Variants in CACNA2D2 observed in about 807,000 individuals in gnomAD.
The protein encoded by CACNA2D2 is calcium voltage-gated channel auxiliary subunit alpha2delta 2.
CACNA2D2 carries 48 observed loss-of-function variants against 166.4 expected under a neutral mutation model. The ratio of observed to expected loss-of-function variants is 0.29; its 90% CI spans 0.23 to 0.37. The LOEUF is 0.37. CACNA2D2 is among the 10% of genes least tolerant of loss of function. The pLI is 1.00. For synonymous variants in CACNA2D2, 561 were observed against 573.7 expected (o/e 0.98, Z 0.32); for missense variants, 1,122 against 1,433.0 (o/e 0.78, Z 3.50).
chr3:50,463,286 G>A (rs1187032577), intron 2 of CACNA2D2, among the ~76,000 whole-genome samples: 1 of 151,926 alleles, frequency 6.6e-6, no homozygotes, highest in Non-Finnish European at 1.5e-5. Flanking sequence ...AGGTGGTAAG[G>A]AAGAAGCTCC....
At position 50,417,324 on chromosome 3, in the gene CACNA2D2, C is replaced by T. The variant is rs111819380; in HGVS notation, c.405+16989G>A. Among the ~76,000 whole-genome samples the T allele has an allele frequency of 4.5e-3, 679 of 152,334 alleles. 7 individuals are homozygous for T. The highest frequency in any genetic ancestry group is 7.1e-3 in the Non-Finnish European group (485 of 68,022). On this transcript the variant is annotated intron_variant, in intron 3 of 37. Transcript: ENST00000424201. The stretch of plus-strand genomic sequence containing the variant: ...TGCCTGATATCCACACAGGGCACAT[C>T]CCAACCACATGACAACCCCCATGAG...
chr3:50,444,258 C>T (rs1290122752), intron 2 of CACNA2D2, among the ~76,000 whole-genome samples: 1 of 152,218 alleles, frequency 6.6e-6, no homozygotes, highest in Non-Finnish European at 1.5e-5. Context: ...CAGCAGCTGG[C>T]TGGCTTTTCA....
At chr3:50,385,774 G>C (rs1170143033) in intron 5 of CACNA2D2, among the ~76,000 whole-genome samples, 1 of 152,198 alleles carries the variant, frequency 6.6e-6, no homozygotes, top group African/African-American at 2.4e-5. Flanking sequence ...GAGTGGAAGC[G>C]GCCGACTGTG....
intron 2 of CACNA2D2, among the ~76,000 whole-genome samples, chr3:50,460,064 G>C (rs1336207635): frequency 6.6e-6 from 1 of 152,016 alleles, no homozygotes; most frequent in African/African-American, 2.4e-5. Flanking sequence ...TTCCAACTGT[G>C]GCTACAACAT....
intron 2 of CACNA2D2, among the ~76,000 whole-genome samples, chr3:50,456,657 T>C (rs1709372037): frequency 6.6e-6 from 1 of 152,196 alleles, no homozygotes; most frequent in Non-Finnish European, 1.5e-5. Context: ...CACTCTGCCC[T>C]TTCTCACTCA....
intron 1 of CACNA2D2, among the ~76,000 whole-genome samples, chr3:50,486,534 G>A (rs1287561068): frequency 6.6e-6 from 1 of 152,102 alleles, no homozygotes; most frequent in African/African-American, 2.4e-5. Flanking sequence ...AATCCTCTGT[G>A]GAAGCTCACA....
chr3:50,468,310 C>T (rs1709909469), intron 2 of CACNA2D2, among the ~76,000 whole-genome samples: 1 of 151,920 alleles, frequency 6.6e-6, no homozygotes, highest in Non-Finnish European at 1.5e-5. Flanking sequence ...TTGAACTGAT[C>T]TCCCGCTGTC....
Position 50,387,043 on chromosome 3 carries a change from AG to A in CACNA2D2, c.510+524del, listed in dbSNP as rs373190704. 1.2e-3 allele frequency among the ~76,000 whole-genome samples: 190 copies of A among 152,278 alleles called. 1 individual carries two copies. Among genetic ancestry groups the A allele is most frequent in the African/African-American group, 4.2e-3 (175 of 41,570 alleles). On this transcript the variant is annotated intron_variant, in intron 5 of 37. Transcript: ENST00000424201. ...AGCCAGTGAGTGACATGGAGGCAGA[AG>A]GGTGGTGTGGCTTTGGGCTCTCTGG...
Position 50,380,554 on chromosome 3 carries a change from CG to C in CACNA2D2, c.842+193del, listed in dbSNP as rs938845935. Among the ~76,000 whole-genome samples the C allele has an allele frequency of 7.9e-5, 12 of 151,972 alleles. No homozygotes were observed. The highest frequency in any genetic ancestry group is 2.7e-4 in the African/African-American group (11 of 41,450). On this transcript the variant is annotated intron_variant, in intron 8 of 37. Transcript: ENST00000424201. This position sits in a 1 kb window ranked among gnomAD's most constrained non-coding sequence, Gnocchi z 4.9. ...GTGGGTGGGGGTGCTGGGCAGTGGA[CG>C]GGGGGCATGGCAGCTGGGAGGCCTG...
intron 3 of CACNA2D2, among the ~76,000 whole-genome samples, chr3:50,412,296 G>C (rs988417011): frequency 6.6e-6 from 1 of 152,264 alleles, no homozygotes; most frequent in Admixed American, 6.5e-5. Flanking sequence ...GGCTGGCTGT[G>C]GGCCCTGCTC....
At chr3:50,491,291 C>A (rs1414211585) in intron 1 of CACNA2D2, among the ~76,000 whole-genome samples, 3 of 152,190 alleles carry the variant, frequency 2.0e-5, no homozygotes. Flanking sequence ...GTGCTGAGAA[C>A]AGTGAGGACA....
chr3:50,458,377 C>T (rs201309576), intron 2 of CACNA2D2, among the ~76,000 whole-genome samples: 4 of 152,210 alleles, frequency 2.6e-5, no homozygotes, highest in African/African-American at 9.7e-5. Context: ...GCCCAACACA[C>T]CCCCATGTAC....
chr3:50,426,934 C>G (rs1707832429), intron 3 of CACNA2D2, among the ~76,000 whole-genome samples: 6 of 152,196 alleles, frequency 3.9e-5, no homozygotes, highest in Admixed American at 3.9e-4. Context: ...CACTGTCTCC[C>G]TTGACCTTCC....
In CACNA2D2 at chr3:50,374,818, G is replaced by C. The variant is rs377584163; in HGVS notation, c.1908-5C>G. On this transcript the variant is annotated splice_polypyrimidine_tract_variant and splice_region_variant and intron_variant, in intron 21 of 37. Transcript: ENST00000424201. ...GGTGGGAGCACCAGCCCCAGGCTGA[G>C]GGGGGAGAAGCTCGGGTCACGGCTG... is the stretch of plus-strand genomic sequence containing the variant. The C allele has an allele frequency of 6.9e-6, 11 of 1,585,446 alleles. No homozygotes were observed. The highest frequency in any genetic ancestry group is 6.9e-5 in the East Asian group (3 of 43,604).
intron 2 of CACNA2D2, among the ~76,000 whole-genome samples, chr3:50,458,998 T>C (rs1559969083): frequency 6.6e-6 from 1 of 152,242 alleles, no homozygotes; most frequent in Non-Finnish European, 1.5e-5. Flanking sequence ...TATGTGGGGC[T>C]CTGTGTGCAG....
intron 1 of CACNA2D2, among the ~76,000 whole-genome samples, chr3:50,484,971 AG>A (rs1350135249): frequency 1.3e-5 from 2 of 152,214 alleles, no homozygotes; most frequent in Non-Finnish European, 2.9e-5. Context: ...GGGCTGGCCC[AG>A]GAGGCCCTCC....
chr3:50,463,455 C>T (rs1021796358), intron 2 of CACNA2D2, among the ~76,000 whole-genome samples: 1 of 152,216 alleles, frequency 6.6e-6, no homozygotes, highest in Non-Finnish European at 1.5e-5. Context: ...CACGCCACCA[C>T]GCCCAGCTGA....
At chr3:50,398,208 C>T (rs1290182972) in intron 3 of CACNA2D2, among the ~76,000 whole-genome samples, 9 of 151,928 alleles carry the variant, frequency 5.9e-5, no homozygotes, top group African/African-American at 2.2e-4. Context: ...CTAGCCCTGA[C>T]CCCAAGTGCC....
At chr3:50,442,631 G>C (rs1404604669) in intron 2 of CACNA2D2, among the ~76,000 whole-genome samples, 2 of 152,156 alleles carry the variant, frequency 1.3e-5, no homozygotes, top group Admixed American at 1.3e-4. Context: ...AGAATCTGAG[G>C]CATGGAGACC....
Sources: gnomAD v4.1 joint callset for allele counts (sites outside exome capture counted in the v4.1 genomes callset) on GRCh38, gnomAD v4.1.1 for gene constraint, Gnocchi (gnomAD v3.1) non-coding constraint, MANE v1.5 for transcripts, NCBI Gene and HGNC (gene_info 2026-07-23, HGNC 2026-07-21) for gene names.